ADPRH: variants seen among roughly 807,000 people sequenced by gnomAD.
ADPRH encodes the protein ADP-ribose-L-arginine cleaving enzyme.
ADPRH carries 27 observed loss-of-function variants against 28.8 expected under a neutral mutation model. The observed-to-expected ratio is 0.94, with a 90% confidence interval of 0.69 to 1.29. ADPRH has a LOEUF of 1.29. Among genes scored for constraint, ADPRH ranks in the 50% most tolerant of loss-of-function variants. The pLI, the probability that ADPRH is intolerant of heterozygous loss-of-function variation, is 0.00. For synonymous variants in ADPRH, 161 were observed against 166.9 expected (o/e 0.96, Z 0.27); for missense variants, 419 against 444.8 (o/e 0.94, Z 0.52).
intron 3 of ADPRH, among the ~76,000 whole-genome samples, chr3:119,583,198 C>T (rs2082424188): frequency 6.6e-6 from 1 of 152,056 alleles, no homozygotes; most frequent in African/African-American, 2.4e-5. Context: ...CACTGCATTC[C>T]AGCCTGAGTG....
At position 119,582,250 on chromosome 3, in the gene ADPRH, C is replaced by G. The variant is rs748554433; in HGVS notation, c.81C>G (p.Leu27=). The change falls in exon 3 of 5, where the codon CTC becomes CTG. Residue 27 remains leucine, a synonymous_variant. Coordinates refer to ENST00000357003, the MANE Select transcript of ADPRH (RefSeq NM_001125.4). The part of the protein sequence containing the change: ...LGYYNGKWEF[L]QDGEKIHRQL... ...ACTACAATGGGAAGTGGGAGTTCCT[C>G]CAGGATGGGGAGAAGATACACCGGC... 2 of 1,614,196 alleles carry G rather than the reference C, an allele frequency of 1.2e-6. No individual in the cohort carries two copies. Among genetic ancestry groups the G allele is most frequent in the Non-Finnish European group, 1.7e-6 (2 of 1,180,046 alleles).
chr3:119,582,557 C>T lies in ADPRH; in HGVS notation c.298+90C>T, dbSNP rs1577123253. 2.2e-6 allele frequency: 3 copies of T among 1,350,836 alleles called. No homozygotes were observed. In the East Asian group the frequency reaches 7.0e-5, roughly 31 times the overall value. The allele number at this position is 1,350,836 out of a possible 1,614,324, so 83.7% of individuals were successfully genotyped here. A position where few individuals can be genotyped will look rare whatever the true frequency, so the allele number is the denominator to read the frequency against. ...AGAATGTTGATGGAGATTTAAATAACAGAGACAATAGTGTTTGTAAATGTG... is the reference window on the plus strand; with the variant it reads ...AGAATGTTGATGGAGATTTAAATAATAGAGACAATAGTGTTTGTAAATGTG... On this transcript the variant is annotated intron_variant, in intron 3 of 4. Coordinates refer to ENST00000357003, the MANE Select transcript of ADPRH (RefSeq NM_001125.4).
intron 3 of ADPRH, among the ~76,000 whole-genome samples, chr3:119,586,064 A>C (rs1288806694): frequency 6.6e-6 from 1 of 152,244 alleles, no homozygotes; most frequent in African/African-American, 2.4e-5. Flanking sequence ...AAGGATCCCT[A>C]TATGAGTCTG....
rs191290002 is a variant in ADPRH, at chr3:119,581,632, G to A, written c.-36-502G>A. ...TTTTCTTATCTGTGAAATGCATACT[G>A]TAATCCCTCCCTATTAGTGAGACAA... is the stretch of plus-strand genomic sequence containing the variant. On this transcript the variant is annotated intron_variant, in intron 2 of 4. Transcript: ENST00000357003. Among the ~76,000 whole-genome samples the A allele has an allele frequency of 3.9e-5, 6 of 152,258 alleles. 1 individual carries two copies. The highest frequency in any genetic ancestry group is 2.6e-4 in the Admixed American group (4 of 15,292).
chr3:119,582,231 A>G lies in ADPRH; in HGVS notation c.62A>G (p.Asn21Ser), dbSNP rs780528254. The change falls in exon 3 of 5, where the codon AAT (asparagine) becomes AGT (serine). Residue 21 changes from asparagine to serine, a missense_variant. Physicochemically the swap from Asn to Ser is conservative, Grantham distance 46. Coordinates refer to ENST00000357003, the MANE Select transcript of ADPRH (RefSeq NM_001125.4). Reference protein sequence around the residue: ...SAAGDALGYYNGKWEFLQDGE... With the variant: ...SAAGDALGYYSGKWEFLQDGE... The stretch of plus-strand genomic sequence containing the variant: ...GCTGGAGATGCCCTGGGGTACTACA[A>G]TGGGAAGTGGGAGTTCCTCCAGGAT... 24 of 1,614,172 alleles carry G rather than the reference A, an allele frequency of 1.5e-5. No homozygotes were observed. The highest frequency in any genetic ancestry group is 2.0e-5 in the Non-Finnish European group (24 of 1,180,018).
chr3:119,587,399 T>C, intron 4 of ADPRH, 65 bp from the exon 5 acceptor site: 3 of 1,362,688 alleles, frequency 2.2e-6, no homozygotes, highest in Non-Finnish European at 3.0e-6. Context: ...ATCCATCTGG[T>C]GCTTTTTGTT....
rs1209734347 is a variant in ADPRH at position 119,580,615 on chromosome 3, C to G, written c.-58C>G. 6.6e-6 allele frequency: 1 copy of G among 152,160 alleles called. No homozygotes were observed. The highest frequency in any genetic ancestry group is 2.4e-5 in the African/African-American group (1 of 41,412). The allele number at this position is 152,160 out of a possible 1,614,324, so 9.4% of individuals were successfully genotyped here. On this transcript the variant is annotated 5_prime_UTR_variant, in exon 2 of 5. Coordinates refer to ENST00000357003, the MANE Select transcript of ADPRH (RefSeq NM_001125.4). ...GCTGCAGAAGCACTTCTGGAAGCCT[C>G]CTGACTTGAACTAGACCTTGGGTAA...
intron 4 of ADPRH, among the ~76,000 whole-genome samples, chr3:119,587,096 T>C (rs80004562): frequency 0.011 from 1,632 of 152,364 alleles, 40 homozygotes; most frequent in African/African-American, 0.037. Flanking sequence ...TTGTCTTTCT[T>C]AGAATAAAAA....
At chr3:119,582,111 T>A (rs2082410155) in intron 2 of ADPRH, 23 bp from the exon 3 acceptor site, 2 of 1,142,102 alleles carry the variant, frequency 1.8e-6, no homozygotes, top group Non-Finnish European at 1.2e-6. Flanking sequence ...TCCTATTTCC[T>A]TTGTCTTAAT....
At chr3:119,586,715 A>G (rs1433518464) in intron 4 of ADPRH, 70 bp downstream of exon 4, 5 of 1,568,446 alleles carry the variant, frequency 3.2e-6, no homozygotes, top group South Asian at 1.2e-5. Flanking sequence ...CTGCACATAT[A>G]TGTCTTGTAT....
At position 119,589,530 on chromosome 3, in the gene ADPRH, A is replaced by G. The variant is rs2082496277; in HGVS notation, c.*1652A>G. ...TAGGAATGTTTTTCCAAGTCCTTCC[A>G]GTCTTTTTAGAACGTGGTGGAGGAG... is the stretch of plus-strand genomic sequence containing the variant. On this transcript the variant is annotated 3_prime_UTR_variant, in exon 5 of 5. Coordinates refer to ENST00000357003, the MANE Select transcript of ADPRH (RefSeq NM_001125.4). 1 of 152,202 alleles carries G rather than the reference A, an allele frequency of 6.6e-6. No individual in the cohort carries two copies. The highest frequency in any genetic ancestry group is 1.5e-5 in the Non-Finnish European group (1 of 68,042). The allele number at this position is 152,202 out of a possible 1,614,324, so 9.4% of individuals were successfully genotyped here.
At chr3:119,582,529 T>G (rs1388949479) in intron 3 of ADPRH, 62 bp downstream of exon 3, 13 of 1,483,156 alleles carry the variant, frequency 8.8e-6, no homozygotes, top group African/African-American at 1.4e-5. Context: ...GAGGAAATCA[T>G]TAAGAATGTT....
rs775121593 is a variant in ADPRH at position 119,582,193 on chromosome 3, G to T, written c.24G>T (p.Met8Ile). The T allele has an allele frequency of 3.0e-5, 48 of 1,610,686 alleles. No individual in the cohort carries two copies. The highest frequency in any genetic ancestry group is 4.0e-5 in the Non-Finnish European group (47 of 1,177,282). MEKYVAA[M>I]VLSAAGDALG... Reference sequence around the variant, plus strand: ...TGATGGAGAAGTATGTGGCTGCTATGGTGCTGAGTGCAGCTGGAGATGCCC... The same window carrying T: ...TGATGGAGAAGTATGTGGCTGCTATTGTGCTGAGTGCAGCTGGAGATGCCC... The change falls in exon 3 of 5, where the codon ATG (methionine) becomes ATT (isoleucine). Residue 8 changes from methionine (M) to isoleucine (I), a missense_variant. Physicochemically the swap from Met to Ile is conservative, Grantham distance 10 (BLOSUM62 1). Transcript: ENST00000357003.
At chr3:119,582,813 G>A (rs1252722443) in intron 3 of ADPRH, among the ~76,000 whole-genome samples, 1 of 152,208 alleles carries the variant, frequency 6.6e-6, no homozygotes, top group East Asian at 1.9e-4. Context: ...GGGCGAAGGA[G>A]CATCATCACC....
At chr3:119,582,960 A>G (rs1051548714) in intron 3 of ADPRH, among the ~76,000 whole-genome samples, 6 of 152,242 alleles carry the variant, frequency 3.9e-5, no homozygotes, top group South Asian at 2.1e-4. Flanking sequence ...GTGGTGGAAC[A>G]GTTTTGTCCC....
At chr3:119,582,540 G>A (rs954131893) in intron 3 of ADPRH, 73 bp downstream of exon 3, 3 of 1,431,986 alleles carry the variant, frequency 2.1e-6, no homozygotes, top group Non-Finnish European at 1.9e-6. Context: ...TAAGAATGTT[G>A]ATGGAGATTT....
At chr3:119,582,600 G>A (rs375526786) in intron 3 of ADPRH, 133 bp downstream of exon 3, 29 of 1,099,970 alleles carry the variant, frequency 2.6e-5, no homozygotes, top group East Asian at 7.8e-5. Context: ...TAGAAATAAC[G>A]GCCATGGTGG....
rs898720220 is a variant in ADPRH at position 119,589,232 on chromosome 3, C to T, written c.*1354C>T. The T allele has an allele frequency of 6.6e-6, 1 of 152,328 alleles. No individual in the cohort carries two copies. Among genetic ancestry groups the T allele is most frequent in the Non-Finnish European group, 1.5e-5 (1 of 68,128 alleles). 9.4% of individuals were successfully genotyped at this position (152,328 alleles called of 1,614,324 possible). On this transcript the variant is annotated 3_prime_UTR_variant, in exon 5 of 5. Transcript: ENST00000357003. ...GGTGCTGTGTGTCTTCTGGGTCAGT[C>T]CTAGGCACATGCTGCCCAGCACATG...
chr3:119,586,298 G>A lies in ADPRH; in HGVS notation c.312G>A (p.Val104=). ...MDGRAPGGAS[V]HNAMQLKPGK... Reference sequence around the variant, plus strand: ...ACTCTTCCCCAGGTGGTGCCTCGGTGCACAACGCCATGCAGCTGAAGCCGG... The same window carrying A: ...ACTCTTCCCCAGGTGGTGCCTCGGTACACAACGCCATGCAGCTGAAGCCGG... Residue 104 remains valine, a synonymous_variant, in exon 4 of 5, where the codon GTG becomes GTA. Transcript: ENST00000357003. 6.2e-7 allele frequency: 1 copy of A among 1,613,266 alleles called. No homozygotes were observed. Among genetic ancestry groups the A allele is most frequent in the Non-Finnish European group, 8.5e-7 (1 of 1,180,048 alleles).
Sources: allele counts gnomAD v4.1 joint callset (sites outside exome capture counted in the v4.1 genomes callset), GRCh38; gene constraint gnomAD v4.1.1; transcripts MANE v1.5; gene names NCBI Gene and HGNC (gene_info 2026-07-23, HGNC 2026-07-21).